The following RHOA variants were observed in gnomAD, a reference collection of about 807,000 sequenced individuals.
The protein encoded by RHOA is ras homolog family member A, also known as transforming protein RhoA.
Under a neutral mutation model 17.5 loss-of-function variants are expected in RHOA, and 3 were observed. The ratio of observed to expected loss-of-function variants is 0.17; its 90% CI spans 0.08 to 0.44. The LOEUF is 0.44. RHOA is among the 20% of genes least tolerant of loss of function. The pLI is 0.99. For missense variants in RHOA, 56 were observed against 242.3 expected, an observed-to-expected ratio of 0.23 and a Z score of 5.10; for synonymous variants, 98 against 88.4, an observed-to-expected ratio of 1.11 and a Z score of -0.61.
chr3:49,381,914 G>A (rs913822703), intron 1 of RHOA, among the ~76,000 whole-genome samples: 1 of 151,890 alleles, frequency 6.6e-6, no homozygotes, highest in African/African-American at 2.4e-5. Flanking sequence ...AGTCAAGTGT[G>A]GCAACTCATG....
At chr3:49,405,904 C>G (rs545627512) in intron 1 of RHOA, among the ~76,000 whole-genome samples, 6 of 152,102 alleles carry the variant, frequency 3.9e-5, no homozygotes, top group Non-Finnish European at 8.8e-5. Context: ...AGACTGGTTT[C>G]GAACTCCTGA....
At chr3:49,409,656 A>G (rs1031484187) in intron 1 of RHOA, among the ~76,000 whole-genome samples, 14 of 152,176 alleles carry the variant, frequency 9.2e-5, no homozygotes, top group Admixed American at 1.3e-4. Flanking sequence ...ACTCCACCCC[A>G]TGGACAAGAA....
chr3:49,375,409 C>T (rs896595927), intron 2 of RHOA, 25 bp downstream of exon 2: 5 of 1,588,032 alleles, frequency 3.1e-6, no homozygotes, highest in Non-Finnish European at 4.3e-6. Context: ...AAAATGGCAT[C>T]AGTTGTTATG....
chr3:49,363,806 C>G (rs1057332356), intron 3 of RHOA, among the ~76,000 whole-genome samples: 2 of 151,788 alleles, frequency 1.3e-5, no homozygotes, highest in African/African-American at 2.4e-5. Flanking sequence ...GAGTCGAGAT[C>G]GCAATACTAC....
chr3:49,397,554 C>T (rs1047072962), intron 1 of RHOA, among the ~76,000 whole-genome samples: 4 of 152,058 alleles, frequency 2.6e-5, no homozygotes, highest in Non-Finnish European at 5.9e-5. Context: ...CAGAGACTGC[C>T]TGCTTATCTG....
intron 1 of RHOA, among the ~76,000 whole-genome samples, chr3:49,378,810 G>C (rs1396267511): frequency 3.3e-5 from 5 of 151,938 alleles, no homozygotes; most frequent in African/African-American, 9.7e-5. Flanking sequence ...TACCCAGGCT[G>C]GTCTCAAACT....
intron 1 of RHOA, among the ~76,000 whole-genome samples, chr3:49,391,015 G>A (rs974452995): frequency 1.2e-4 from 18 of 151,640 alleles, no homozygotes; most frequent in African/African-American, 4.3e-4. Context: ...TCAGGAGATC[G>A]AGACCACCCT....
At chr3:49,409,989 C>A (rs920153085) in intron 1 of RHOA, among the ~76,000 whole-genome samples, 1 of 152,172 alleles carries the variant, frequency 6.6e-6, no homozygotes, top group Non-Finnish European at 1.5e-5. Context: ...ATTAGGCCAA[C>A]CAGGGACCCT....
intron 1 of RHOA, among the ~76,000 whole-genome samples, chr3:49,382,862 C>T (rs1296267443): frequency 4.0e-5 from 6 of 151,766 alleles, no homozygotes; most frequent in Non-Finnish European, 8.8e-5. Flanking sequence ...CGAGACAAGC[C>T]TGACCAACAT....
At chr3:49,411,505 G>A (rs1575297169) in intron 1 of RHOA, among the ~76,000 whole-genome samples, 1 of 152,180 alleles carries the variant, frequency 6.6e-6, no homozygotes, top group East Asian at 1.9e-4. Flanking sequence ...CGCCCTGCCC[G>A]GCGCCGCTGG....
chr3:49,373,275 C>T (rs758961423), intron 2 of RHOA: 16 of 233,218 alleles, frequency 6.9e-5, no homozygotes, highest in South Asian at 4.5e-4. Context: ...ACTCAGGAGG[C>T]GGAGGTTGTT....
chr3:49,379,624 C>T (rs1251179835), intron 1 of RHOA, among the ~76,000 whole-genome samples: 2 of 152,120 alleles, frequency 1.3e-5, no homozygotes, highest in Admixed American at 6.6e-5. Flanking sequence ...AAGTGAACCT[C>T]CAATCTCAGT....
At chr3:49,380,908 A>G (rs2048306087) in intron 1 of RHOA, among the ~76,000 whole-genome samples, 1 of 145,508 alleles carries the variant, frequency 6.9e-6, no homozygotes, top group Admixed American at 7.3e-5. Flanking sequence ...TTCTCAGGAC[A>G]ATATTACATA....
At chr3:49,373,335 C>A in intron 2 of RHOA, 1 of 192,494 alleles carries the variant, frequency 5.2e-6, no homozygotes, top group Non-Finnish European at 1.2e-5. Flanking sequence ...TAGAGGGAGA[C>A]TCTGTCTCTA....
rs371956019 is a variant in RHOA at position 49,399,252 on chromosome 3, C to A, written c.-3+12568G>T. Among the ~76,000 whole-genome samples the A allele has an allele frequency of 1.1e-3, 170 of 151,398 alleles. 7 individuals are homozygous for A. The South Asian group carries it at 0.036, about 32-fold the overall frequency. Reference sequence around the variant, plus strand: ...GGGCGTGGCGGCGGGCACCTGTAGTCCCAGCTACTCGGGAGGCTGAGGCAA... The same window carrying A: ...GGGCGTGGCGGCGGGCACCTGTAGTACCAGCTACTCGGGAGGCTGAGGCAA... On this transcript the variant is annotated intron_variant, in intron 1 of 4. Transcript: ENST00000418115.
At chr3:49,364,203 T>C (rs759281651) in intron 3 of RHOA, among the ~76,000 whole-genome samples, 3 of 151,556 alleles carry the variant, frequency 2.0e-5, no homozygotes, top group Admixed American at 6.6e-5. Context: ...TACAAAAAGA[T>C]TGCCAGGCGC....
At chr3:49,408,727 A>G (rs915123253) in intron 1 of RHOA, among the ~76,000 whole-genome samples, 3 of 152,236 alleles carry the variant, frequency 2.0e-5, no homozygotes, top group African/African-American at 4.8e-5. Flanking sequence ...TTACAAGCAA[A>G]CAGTTCCATT....
At chr3:49,394,087 G>A (rs1025500740) in intron 1 of RHOA, among the ~76,000 whole-genome samples, 1 of 151,804 alleles carries the variant, frequency 6.6e-6, no homozygotes, top group Non-Finnish European at 1.5e-5. Flanking sequence ...AGCCAGGATG[G>A]TCTCAATCTC....
At chr3:49,387,098 C>T in intron 1 of RHOA, among the ~76,000 whole-genome samples, 1 of 108,190 alleles carries the variant, frequency 9.2e-6, no homozygotes, top group African/African-American at 3.8e-5. Flanking sequence ...GCCTGGGCAA[C>T]AAGAGAGAAA....
Sources: gnomAD v4.1 joint callset for allele counts (sites outside exome capture counted in the v4.1 genomes callset) on GRCh38, gnomAD v4.1.1 for gene constraint, MANE v1.5 for transcripts, NCBI Gene and HGNC (gene_info 2026-07-23, HGNC 2026-07-21) for gene names.